Variants in GRIA1 observed in about 807,000 individuals in gnomAD.
The protein encoded by GRIA1 is glutamate ionotropic receptor AMPA type subunit 1.
A neutral mutation model predicts 99.2 loss-of-function variants in GRIA1; 31 were observed. That is an observed-to-expected ratio of 0.31 (90% CI 0.23 to 0.42). GRIA1 has a LOEUF of 0.42. GRIA1 is among the 10% of genes least tolerant of loss of function. The pLI is 1.00. For synonymous variants in GRIA1, 438 were observed against 432.4 expected (o/e 1.01, Z -0.16); for missense variants, 782 against 1,157.5 (o/e 0.68, Z 4.71).
intron 2 of GRIA1, among the ~76,000 whole-genome samples, chr5:153,618,612 C>T (rs1493403): frequency 0.22 from 33,852 of 152,002 alleles, 4,298 homozygotes; most frequent in Non-Finnish European, 0.29. Flanking sequence ...GGGACCGAAA[C>T]AAAGAAATGA....
intron 12 of GRIA1, among the ~76,000 whole-genome samples, chr5:153,766,503 A>T (rs574795187): frequency 6.6e-5 from 10 of 152,152 alleles, no homozygotes; most frequent in Non-Finnish European, 1.3e-4. Flanking sequence ...TTCACCTGTG[A>T]CCTCAGGCAG....
intron 2 of GRIA1, among the ~76,000 whole-genome samples, chr5:153,592,727 T>C (rs534534700): frequency 1.3e-5 from 2 of 152,312 alleles, no homozygotes; most frequent in African/African-American, 4.8e-5. Context: ...TTTGGGCTGC[T>C]ATAACAAATA....
chr5:153,663,048 G>A lies in GRIA1; in HGVS notation c.699+7176G>A, dbSNP rs369161688. 1.4e-4 allele frequency among the ~76,000 whole-genome samples: 21 copies of A among 152,252 alleles called. 1 individual carries two copies. The East Asian group carries it at 3.9e-3, about 28-fold the overall frequency. The stretch of plus-strand genomic sequence containing the variant: ...GAGCCTTTGGAAGGAAAAGGAGAGT[G>A]GGTGGATAGAAAGACAAACCCCAGA... On this transcript the variant is annotated intron_variant, in intron 5 of 15. Coordinates refer to ENST00000285900, the MANE Select transcript of GRIA1 (RefSeq NM_000827.4).
intron 2 of GRIA1, among the ~76,000 whole-genome samples, chr5:153,523,408 A>G (rs572452743): frequency 1.2e-4 from 18 of 151,980 alleles, no homozygotes; most frequent in Non-Finnish European, 2.5e-4. Flanking sequence ...CTCATTTTTC[A>G]CCACAGCCTG....
chr5:153,599,290 GT>G (rs1764688412), intron 2 of GRIA1, among the ~76,000 whole-genome samples: 1 of 152,156 alleles, frequency 6.6e-6, no homozygotes, highest in African/African-American at 2.4e-5. Context: ...TGTCCAGAAA[GT>G]TTACTGAGCA....
chr5:153,689,861 T>G (rs1214007331), intron 8 of GRIA1, among the ~76,000 whole-genome samples: 1 of 152,206 alleles, frequency 6.6e-6, no homozygotes, highest in African/African-American at 2.4e-5. Context: ...AAACTGTCCT[T>G]TGGTATGAAA....
chr5:153,609,606 C>T lies in GRIA1; in HGVS notation c.221-37322C>T, dbSNP rs537653938. On this transcript the variant is annotated intron_variant, in intron 2 of 15. Transcript: ENST00000285900. ...TGAGATGGAGTCTTGCTCTGTCACCCAGGCTGGAGTGCAGTGGAGCAATCT... is the reference window on the plus strand; with the variant it reads ...TGAGATGGAGTCTTGCTCTGTCACCTAGGCTGGAGTGCAGTGGAGCAATCT... Among the ~76,000 whole-genome samples, 34 of 133,092 alleles carry T rather than the reference C, an allele frequency of 2.6e-4. No individual in the cohort carries two copies. The South Asian group carries it at 7.5e-3, about 29-fold the overall frequency. 87.3% of individuals were successfully genotyped at this position (133,092 alleles called of 152,430 possible).
intron 2 of GRIA1, among the ~76,000 whole-genome samples, chr5:153,561,053 A>G (rs754595): frequency 0.097 from 14,700 of 152,138 alleles, 787 homozygotes; most frequent in South Asian, 0.19. Context: ...TCTTCATGAT[A>G]CATGTCTTCA....
chr5:153,750,286 A>G (rs1010011488), intron 11 of GRIA1, among the ~76,000 whole-genome samples: 3 of 152,104 alleles, frequency 2.0e-5, no homozygotes, highest in Admixed American at 6.6e-5. Flanking sequence ...TTCTCCCAGT[A>G]ATTTAGAGAC....
intron 11 of GRIA1, among the ~76,000 whole-genome samples, chr5:153,762,563 G>A (rs1441859603): frequency 7.2e-5 from 11 of 152,154 alleles, no homozygotes; most frequent in African/African-American, 2.7e-4. Context: ...AATGGAATTC[G>A]TATATCCTGG....
At chr5:153,515,357 A>G (rs1164387713) in intron 2 of GRIA1, among the ~76,000 whole-genome samples, 1 of 152,220 alleles carries the variant, frequency 6.6e-6, no homozygotes, top group Non-Finnish European at 1.5e-5. Flanking sequence ...ACATCATGCT[A>G]AGTTAAATAA....
chr5:153,584,281 G>C (rs749356330), intron 2 of GRIA1, among the ~76,000 whole-genome samples: 1 of 152,218 alleles, frequency 6.6e-6, no homozygotes, highest in African/African-American at 2.4e-5. Context: ...ACTAACATGT[G>C]GTATATATTA....
intron 13 of GRIA1, among the ~76,000 whole-genome samples, chr5:153,780,117 T>C (rs1764540019): frequency 6.6e-6 from 1 of 152,196 alleles, no homozygotes; most frequent in Non-Finnish European, 1.5e-5. Flanking sequence ...TGGTCAAAAA[T>C]AGCATCTCTT....
chr5:153,782,922 T>A (rs72804620), intron 13 of GRIA1, among the ~76,000 whole-genome samples: 3,846 of 152,258 alleles, frequency 0.025, 89 homozygotes, highest in Admixed American at 0.056. Context: ...TCTCATGGAA[T>A]CCCATTATAA....
intron 12 of GRIA1, among the ~76,000 whole-genome samples, chr5:153,765,805 C>T (rs552425189): frequency 6.6e-6 from 1 of 152,342 alleles, no homozygotes; most frequent in East Asian, 1.9e-4. Context: ...CTCATTTAAT[C>T]CTCTCATTAA....
intron 2 of GRIA1, among the ~76,000 whole-genome samples, chr5:153,571,032 T>C (rs1013137567): frequency 6.6e-6 from 1 of 152,152 alleles, no homozygotes. Context: ...TCACACTACA[T>C]GGTTTACTCC....
intron 15 of GRIA1, among the ~76,000 whole-genome samples, chr5:153,809,309 G>A (rs1766652270): frequency 6.6e-6 from 1 of 152,144 alleles, no homozygotes; most frequent in South Asian, 2.1e-4. Flanking sequence ...TGCAATCCAG[G>A]TCACACTTTT....
intron 14 of GRIA1, chr5:153,795,672 G>T (rs1002637875): frequency 1.7e-5 from 13 of 775,640 alleles, no homozygotes; most frequent in South Asian, 1.5e-4. Flanking sequence ...CCTCAGAGAG[G>T]CTTGGAGGCC....
At chr5:153,614,475 G>T (rs1164515246) in intron 2 of GRIA1, among the ~76,000 whole-genome samples, 1 of 152,112 alleles carries the variant, frequency 6.6e-6, no homozygotes, top group Non-Finnish European at 1.5e-5. Context: ...CGTAAAGTAG[G>T]TGTGATTATT....
Sources: allele counts gnomAD v4.1 joint callset (sites outside exome capture counted in the v4.1 genomes callset), GRCh38; gene constraint gnomAD v4.1.1; transcripts MANE v1.5; gene names NCBI Gene and HGNC (gene_info 2026-07-23, HGNC 2026-07-21).